Variants in PTPRD observed in about 807,000 individuals in gnomAD.
The protein encoded by PTPRD is receptor-type tyrosine-protein phosphatase delta.
In PTPRD, 34 loss-of-function variants were observed where a neutral mutation model predicts 214.5. That is an observed-to-expected ratio of 0.16 (90% CI 0.12 to 0.21). The LOEUF (loss-of-function observed/expected upper bound fraction) is 0.21, where lower values mean the gene tolerates loss of function less well. PTPRD is among the 10% of genes least tolerant of loss of function. The probability of loss-of-function intolerance (pLI) is 1.00; values close to 1 mark genes in which losing one functional copy is unlikely to be tolerated. For missense variants in PTPRD, 2,545 were observed against 2,398.7 expected, an observed-to-expected ratio of 1.06 and a Z score of -1.27; for synonymous variants, 1,128 against 845.7, an observed-to-expected ratio of 1.33 and a Z score of -5.79.
intron 12 of PTPRD, among the ~76,000 whole-genome samples, chr9:8,638,934 C>A (rs1171864744): frequency 1.3e-5 from 2 of 152,090 alleles, no homozygotes; most frequent in Non-Finnish European, 2.9e-5. Flanking sequence ...CCTCCACTAC[C>A]CAGGTTCAAG....
chr9:10,588,672 A>C (rs976264430), intron 2 of PTPRD, among the ~76,000 whole-genome samples: 2 of 152,046 alleles, frequency 1.3e-5, no homozygotes, highest in Non-Finnish European at 2.9e-5. Context: ...ATTACTAAGT[A>C]TATTTCAATA....
At chr9:8,522,507 C>T (rs1403166241) in intron 19 of PTPRD, among the ~76,000 whole-genome samples, 4 of 152,140 alleles carry the variant, frequency 2.6e-5, no homozygotes, top group Admixed American at 2.6e-4. Flanking sequence ...ACATAAATGA[C>T]AACAAAATCT....
chr9:9,002,364 C>A (rs916267684), intron 11 of PTPRD, among the ~76,000 whole-genome samples: 17 of 151,904 alleles, frequency 1.1e-4, no homozygotes, highest in African/African-American at 3.9e-4. Context: ...AAGTAATGAT[C>A]AAGTCATTAG....
At chr9:10,059,802 C>A (rs1266275102) in intron 3 of PTPRD, among the ~76,000 whole-genome samples, 1 of 150,444 alleles carries the variant, frequency 6.6e-6, no homozygotes, top group Admixed American at 6.6e-5. Flanking sequence ...AAACACTAAG[C>A]TTTACCTGTG....
At chr9:8,575,786 T>C (rs981623372) in intron 14 of PTPRD, among the ~76,000 whole-genome samples, 4 of 152,176 alleles carry the variant, frequency 2.6e-5, no homozygotes, top group African/African-American at 7.2e-5. Flanking sequence ...GCAACAAATG[T>C]AGTGACTCTA....
In PTPRD at chr9:8,789,865, G is replaced by T. The variant is rs114913152; in HGVS notation, c.-103-55919C>A. On this transcript the variant is annotated intron_variant, in intron 11 of 45. Transcript: ENST00000381196. Reference sequence around the variant, plus strand: ...ACTATAAAACATTTAGAAAAGACTAGAGTGTATCTTTGAATCTGGAGGGTA... The same window carrying T: ...ACTATAAAACATTTAGAAAAGACTATAGTGTATCTTTGAATCTGGAGGGTA... Among the ~76,000 whole-genome samples the T allele has an allele frequency of 9.7e-3, 1,473 of 152,220 alleles. 30 individuals are homozygous for T. The highest frequency in any genetic ancestry group is 0.034 in the African/African-American group (1,402 of 41,546).
At chr9:10,354,498 G>C (rs1461407323) in intron 2 of PTPRD, among the ~76,000 whole-genome samples, 1 of 152,060 alleles carries the variant, frequency 6.6e-6, no homozygotes, top group Non-Finnish European at 1.5e-5. Flanking sequence ...ATGTGCACAA[G>C]ACAGTCACAT....
chr9:10,302,613 C>A (rs984993223), intron 3 of PTPRD, among the ~76,000 whole-genome samples: 2 of 152,102 alleles, frequency 1.3e-5, no homozygotes, highest in African/African-American at 2.4e-5. Context: ...GGGTTACAAT[C>A]GTAGTCTCTG....
intron 7 of PTPRD, among the ~76,000 whole-genome samples, chr9:9,657,561 T>C (rs781544756): frequency 1.3e-5 from 2 of 152,168 alleles, no homozygotes; most frequent in Non-Finnish European, 2.9e-5. Context: ...GTAACAAACA[T>C]GCACGTTGTG....
At chr9:10,053,556 G>T (rs964975938) in intron 3 of PTPRD, among the ~76,000 whole-genome samples, 1 of 152,130 alleles carries the variant, frequency 6.6e-6, no homozygotes, top group Non-Finnish European at 1.5e-5. Flanking sequence ...TATAGATAAT[G>T]AATCCCATCA....
chr9:9,748,126 C>T (rs2098476705), intron 6 of PTPRD, among the ~76,000 whole-genome samples: 1 of 152,192 alleles, frequency 6.6e-6, no homozygotes, highest in Admixed American at 6.5e-5. Flanking sequence ...ATCAGTGAAT[C>T]ACTGGTTCAC....
At chr9:8,804,837 G>A (rs1600344374) in intron 11 of PTPRD, among the ~76,000 whole-genome samples, 1 of 152,304 alleles carries the variant, frequency 6.6e-6, no homozygotes, top group East Asian at 1.9e-4. Flanking sequence ...AGAGAAGACA[G>A]ATAGGTACAC....
At chr9:9,110,614 T>C (rs542116877) in intron 10 of PTPRD, among the ~76,000 whole-genome samples, 2 of 152,272 alleles carry the variant, frequency 1.3e-5, no homozygotes, top group East Asian at 3.9e-4. Context: ...ATTTCTACTC[T>C]ACTTCTTACC....
At chr9:10,169,566 T>A (rs2099187361) in intron 3 of PTPRD, among the ~76,000 whole-genome samples, 1 of 150,782 alleles carries the variant, frequency 6.6e-6, no homozygotes, top group African/African-American at 2.4e-5. Flanking sequence ...ATAACAATTC[T>A]AAAGTGAAAA....
At chr9:9,375,221 G>A (rs1234693004) in intron 9 of PTPRD, among the ~76,000 whole-genome samples, 2 of 152,134 alleles carry the variant, frequency 1.3e-5, no homozygotes, top group Non-Finnish European at 2.9e-5. Context: ...ATTATTCACA[G>A]TAGCCAAATG....
chr9:9,963,650 T>C (rs2094499962), intron 4 of PTPRD, among the ~76,000 whole-genome samples: 1 of 152,158 alleles, frequency 6.6e-6, no homozygotes, highest in South Asian at 2.1e-4. Context: ...AGACAGTTGA[T>C]GTTTAATCAT....
intron 22 of PTPRD, 21 bp from the exon 23 acceptor site, chr9:8,504,426 TG>T (rs1339300936): frequency 6.2e-7 from 1 of 1,613,782 alleles, no homozygotes; most frequent in Non-Finnish European, 8.5e-7. Flanking sequence ...TAAGAGAATG[TG>T]GTCATCTTCA....
chr9:9,611,542 G>C (rs970527995), intron 7 of PTPRD, among the ~76,000 whole-genome samples: 1 of 151,780 alleles, frequency 6.6e-6, no homozygotes, highest in African/African-American at 2.4e-5. Context: ...TAAAACATTT[G>C]GATGTATCTA....
At chr9:9,376,149 A>G (rs1476617777) in intron 9 of PTPRD, among the ~76,000 whole-genome samples, 2 of 152,160 alleles carry the variant, frequency 1.3e-5, no homozygotes, top group Non-Finnish European at 2.9e-5. Flanking sequence ...TTCAGTGTTA[A>G]AAACCATTGA....
Sources: allele counts gnomAD v4.1 joint callset (sites outside exome capture counted in the v4.1 genomes callset), GRCh38; gene constraint gnomAD v4.1.1; transcripts MANE v1.5; gene names NCBI Gene and HGNC (gene_info 2026-07-23, HGNC 2026-07-21).